Variants in NRXN1 observed in about 807,000 individuals in gnomAD.
NRXN1 encodes neurexin-1.
A neutral mutation model predicts 150.9 loss-of-function variants in NRXN1; 39 were observed. That is an observed-to-expected ratio of 0.26 (90% CI 0.20 to 0.34). The LOEUF (loss-of-function observed/expected upper bound fraction) is 0.34. NRXN1 is among the 10% of genes least tolerant of loss of function. The probability of loss-of-function intolerance (pLI) is 1.00; values close to 1 mark genes in which losing one functional copy is unlikely to be tolerated. For synonymous variants in NRXN1, 924 were observed against 757.0 expected, an observed-to-expected ratio of 1.22 and a Z score of -3.62; for missense variants, 1,815 against 1,949.9, an observed-to-expected ratio of 0.93 and a Z score of 1.30.
intron 5 of NRXN1, among the ~76,000 whole-genome samples, chr2:50,789,370 A>G (rs1173298160): frequency 6.6e-6 from 1 of 152,182 alleles, no homozygotes; most frequent in Non-Finnish European, 1.5e-5. Context: ...TTCAAGCACA[A>G]TGTAAAGATT....
At chr2:50,957,775 T>C (rs759514680) in intron 2 of NRXN1, among the ~76,000 whole-genome samples, 22 of 152,148 alleles carry the variant, frequency 1.4e-4, no homozygotes, top group Non-Finnish European at 2.8e-4. Context: ...TTTTTTCTGA[T>C]TCTTCCCCAC....
intron 19 of NRXN1, among the ~76,000 whole-genome samples, chr2:50,063,543 A>G (rs535363973): frequency 1.1e-3 from 71 of 63,272 alleles, no homozygotes; most frequent in African/African-American, 6.0e-3. Context: ...TGCCCACCTC[A>G]ACAGACACAC....
chr2:50,535,607 A>C (rs1465421130), intron 10 of NRXN1, among the ~76,000 whole-genome samples: 1 of 152,230 alleles, frequency 6.6e-6, no homozygotes, highest in Admixed American at 6.6e-5. Context: ...ACAAATTCTC[A>C]GTTTTATTAA....
chr2:50,987,905 T>C lies in NRXN1; in HGVS notation c.772+39597A>G, dbSNP rs147841204. On this transcript the variant is annotated intron_variant, in intron 2 of 22. Coordinates refer to ENST00000401669, the MANE Select transcript of NRXN1 (RefSeq NM_001330078.2). ...AACACAGAATTACTTTTTTGGACGT[T>C]ATTCCAATGATCCTCAGCAAGTGTC... is the stretch of plus-strand genomic sequence containing the variant. Among the ~76,000 whole-genome samples, 783 of 152,110 alleles carry C rather than the reference T, an allele frequency of 5.1e-3. 6 individuals carry two copies. The highest frequency in any genetic ancestry group is 0.018 in the African/African-American group (747 of 41,546).
intron 5 of NRXN1, among the ~76,000 whole-genome samples, chr2:50,864,947 T>C (rs1247798350): frequency 2.0e-5 from 3 of 151,980 alleles, no homozygotes; most frequent in Non-Finnish European, 4.4e-5. Flanking sequence ...ATGCTGACAG[T>C]GTAGGGATCA....
At chr2:50,996,859 C>A (rs1439269956) in intron 2 of NRXN1, among the ~76,000 whole-genome samples, 1 of 152,018 alleles carries the variant, frequency 6.6e-6, no homozygotes, top group African/African-American at 2.4e-5. Flanking sequence ...GGATTCTTCA[C>A]ATGGCGTAGG....
chr2:50,107,561 C>G (rs116753695), intron 18 of NRXN1, among the ~76,000 whole-genome samples: 3,093 of 121,750 alleles, frequency 0.025, 115 homozygotes, highest in African/African-American at 0.09. Flanking sequence ...TACCCAAGTA[C>G]TACAATAGAA....
At chr2:50,550,558 C>G (rs1450866915) in intron 9 of NRXN1, among the ~76,000 whole-genome samples, 1 of 151,808 alleles carries the variant, frequency 6.6e-6, no homozygotes, top group Non-Finnish European at 1.5e-5. Flanking sequence ...TTCATATGTA[C>G]CAAATTAACT....
At chr2:50,814,236 A>G (rs553826767) in intron 5 of NRXN1, among the ~76,000 whole-genome samples, 229 of 152,186 alleles carry the variant, frequency 1.5e-3, no homozygotes, top group African/African-American at 5.1e-3. Flanking sequence ...GCCTCAAGGA[A>G]TCCTCCTGCC....
At chr2:50,564,942 G>A (rs530585990) in intron 8 of NRXN1, among the ~76,000 whole-genome samples, 7 of 152,168 alleles carry the variant, frequency 4.6e-5, no homozygotes, top group Non-Finnish European at 1.0e-4. Flanking sequence ...CATGGCACAC[G>A]TTAGAAAATT....
intron 5 of NRXN1, among the ~76,000 whole-genome samples, chr2:50,883,108 G>A (rs1386362483): frequency 6.6e-6 from 1 of 151,794 alleles, no homozygotes; most frequent in Non-Finnish European, 1.5e-5. Context: ...AAATTTTGAA[G>A]CAGATAAACT....
At chr2:50,975,023 T>C (rs535418942) in intron 2 of NRXN1, among the ~76,000 whole-genome samples, 5 of 152,132 alleles carry the variant, frequency 3.3e-5, no homozygotes, top group South Asian at 2.1e-4. Flanking sequence ...CAGGGCCCCC[T>C]GGAACACCCA....
At chr2:50,114,874 A>G (rs1406266625) in intron 18 of NRXN1, among the ~76,000 whole-genome samples, 2 of 151,982 alleles carry the variant, frequency 1.3e-5, no homozygotes, top group African/African-American at 4.8e-5. Flanking sequence ...AGAGGGATGA[A>G]TAGGTAGAGT....
At chr2:50,283,122 C>A (rs1442907500) in intron 17 of NRXN1, among the ~76,000 whole-genome samples, 2 of 152,140 alleles carry the variant, frequency 1.3e-5, no homozygotes, top group Non-Finnish European at 2.9e-5. Flanking sequence ...TGCCTCCTGG[C>A]ACACAGTAGG....
chr2:50,482,352 C>G, intron 15 of NRXN1, among the ~76,000 whole-genome samples: 2 of 152,294 alleles, frequency 1.3e-5, no homozygotes, highest in South Asian at 4.1e-4. Flanking sequence ...CTAACTTCAT[C>G]TAATGGCTTT....
At chr2:50,264,269 A>G (rs911592712) in intron 17 of NRXN1, among the ~76,000 whole-genome samples, 1 of 152,114 alleles carries the variant, frequency 6.6e-6, no homozygotes, top group Non-Finnish European at 1.5e-5. Context: ...ATCAGTCACA[A>G]TTGAACGCAC....
At chr2:50,788,748 A>G (rs1270876790) in intron 5 of NRXN1, among the ~76,000 whole-genome samples, 1 of 152,038 alleles carries the variant, frequency 6.6e-6, no homozygotes, top group African/African-American at 2.4e-5. Context: ...AATATGCACC[A>G]GAACTAAACC....
chr2:50,699,063 CAG>C (rs1693359896), intron 5 of NRXN1, among the ~76,000 whole-genome samples: 1 of 152,122 alleles, frequency 6.6e-6, no homozygotes. Context: ...TCTCTAAAGA[CAG>C]AGACTGTCAG....
intron 18 of NRXN1, among the ~76,000 whole-genome samples, chr2:50,135,749 T>C (rs1202173765): frequency 6.6e-6 from 1 of 152,038 alleles, no homozygotes; most frequent in Non-Finnish European, 1.5e-5. Flanking sequence ...TGCCCAATAA[T>C]GTCTGAGCAA....
Sources: gnomAD v4.1 joint callset for allele counts (sites outside exome capture counted in the v4.1 genomes callset) on GRCh38, gnomAD v4.1.1 for gene constraint, MANE v1.5 for transcripts, NCBI Gene and HGNC (gene_info 2026-07-23, HGNC 2026-07-21) for gene names.